The following MACROD2 variants were observed in gnomAD, a reference collection of about 807,000 sequenced individuals.
MACROD2 encodes mono-ADP ribosylhydrolase 2.
A neutral mutation model predicts 70.4 loss-of-function variants in MACROD2; 36 were observed. The observed-to-expected ratio is 0.51, with a 90% CI of 0.39 to 0.68. The LOEUF is 0.68. Among genes scored for constraint, MACROD2 ranks in the 30% least tolerant of loss-of-function variants. MACROD2 has a pLI of 0.00. For missense variants in MACROD2, 496 were observed against 538.4 expected (o/e 0.92, Z 0.78); for synonymous variants, 172 against 178.8 (o/e 0.96, Z 0.30).
At chr20:16,043,937 C>T (rs1357002180) in intron 16 of MACROD2, among the ~76,000 whole-genome samples, 1 of 152,096 alleles carries the variant, frequency 6.6e-6, no homozygotes, top group Non-Finnish European at 1.5e-5. Context: ...ACCCAAAAAT[C>T]TGGTCTGAAG....
intron 3 of MACROD2, among the ~76,000 whole-genome samples, chr20:14,412,261 CT>C (rs755293382): frequency 2.6e-4 from 40 of 152,294 alleles, no homozygotes; most frequent in Admixed American, 1.2e-3. Context: ...CCCGTCCCCC[CT>C]AGGCCCTTCT....
At chr20:14,341,157 A>G (rs6110251) in intron 3 of MACROD2, among the ~76,000 whole-genome samples, 26,177 of 152,188 alleles carry the variant, frequency 0.17, 2,659 homozygotes, top group East Asian at 0.31. Flanking sequence ...CATCATATAC[A>G]TATTTATTGA....
intron 5 of MACROD2, among the ~76,000 whole-genome samples, chr20:15,100,176 A>G (rs920805029): frequency 1.3e-5 from 2 of 152,024 alleles, no homozygotes; most frequent in African/African-American, 4.8e-5. Flanking sequence ...GATTCAAGCA[A>G]TCCTCCTGCC....
intron 3 of MACROD2, among the ~76,000 whole-genome samples, chr20:14,222,521 G>T (rs1197418958): frequency 6.6e-6 from 1 of 152,080 alleles, no homozygotes; most frequent in Non-Finnish European, 1.5e-5. Context: ...ATGACTGGGA[G>T]TTACTTAATG....
chr20:16,044,542 T>G, intron 16 of MACROD2, 29 bp from the exon 17 acceptor site: 2 of 1,592,908 alleles, frequency 1.3e-6, no homozygotes, highest in African/African-American at 1.3e-5. Flanking sequence ...TTAATGAATA[T>G]TTAACTTTTT....
chr20:14,219,619 C>T (rs1164035635), intron 3 of MACROD2, among the ~76,000 whole-genome samples: 1 of 152,112 alleles, frequency 6.6e-6, no homozygotes, highest in East Asian at 1.9e-4. Context: ...GTCATATTAC[C>T]AGGGTTGGTT....
chr20:15,194,293 G>C (rs1417115490), intron 5 of MACROD2, among the ~76,000 whole-genome samples: 4 of 144,752 alleles, frequency 2.8e-5, no homozygotes, highest in Non-Finnish European at 6.0e-5. Flanking sequence ...AATCAGTCAG[G>C]TAAAGCTAGA....
intron 16 of MACROD2, among the ~76,000 whole-genome samples, chr20:16,043,714 G>C (rs2067338427): frequency 6.6e-6 from 1 of 152,066 alleles, no homozygotes; most frequent in Non-Finnish European, 1.5e-5. Context: ...TGCCACTACA[G>C]CAGCCGTCGG....
intron 8 of MACROD2, among the ~76,000 whole-genome samples, chr20:15,853,657 C>A (rs2064324667): frequency 1.3e-5 from 2 of 152,150 alleles, no homozygotes; most frequent in Admixed American, 1.3e-4. Context: ...AGACCCCCAT[C>A]CTGCAACTGC....
intron 17 of MACROD2, 98 bp downstream of exon 17, chr20:16,044,737 C>G: frequency 9.5e-7 from 1 of 1,057,414 alleles, no homozygotes; most frequent in South Asian, 1.3e-5. Flanking sequence ...GCCAAGTCCC[C>G]ACAGCATGGC....
At chr20:14,338,736 C>T (rs1052725939) in intron 3 of MACROD2, among the ~76,000 whole-genome samples, 1 of 152,076 alleles carries the variant, frequency 6.6e-6, no homozygotes, top group African/African-American at 2.4e-5. Context: ...AATTTAGGTA[C>T]ATGAATAAAC....
chr20:15,936,456 A>G (rs555219090), intron 11 of MACROD2, among the ~76,000 whole-genome samples: 130 of 148,166 alleles, frequency 8.8e-4, no homozygotes, highest in African/African-American at 3.2e-3. Flanking sequence ...TATACTATAT[A>G]TACTCTATAA....
Position 15,239,797 on chromosome 20 carries a change from C to A in MACROD2, c.540+9736C>A, listed in dbSNP as rs763779149. On this transcript the variant is annotated intron_variant, in intron 6 of 17. Transcript: ENST00000684519. ...AGGTTAACACACTTAGACTAGGTGA[C>A]AAATGTGTGGAAGAACCTCATTTTC... Among the ~76,000 whole-genome samples, 6 of 152,186 alleles carry A rather than the reference C, an allele frequency of 3.9e-5. 1 individual carries two copies. The highest frequency in any genetic ancestry group is 9.7e-5 in the African/African-American group (4 of 41,436).
chr20:15,271,957 C>T (rs1386081528), intron 6 of MACROD2, among the ~76,000 whole-genome samples: 7 of 152,206 alleles, frequency 4.6e-5, no homozygotes, highest in Admixed American at 4.6e-4. Context: ...CTTCCCACTT[C>T]ACCCACTCCT....
At chr20:14,728,674 T>C (rs1300195870) in intron 5 of MACROD2, among the ~76,000 whole-genome samples, 3 of 152,206 alleles carry the variant, frequency 2.0e-5, no homozygotes, top group African/African-American at 4.8e-5. Context: ...TTGTAAAGTT[T>C]ATTTATTTAA....
chr20:15,705,020 T>G (rs6034270), intron 8 of MACROD2, among the ~76,000 whole-genome samples: 39,657 of 152,086 alleles, frequency 0.26, 6,360 homozygotes, highest in African/African-American at 0.46. Context: ...TTGATTACTC[T>G]GCTGCTAATT....
intron 8 of MACROD2, among the ~76,000 whole-genome samples, chr20:15,817,328 C>G (rs2063887584): frequency 6.6e-6 from 1 of 152,106 alleles, no homozygotes; most frequent in Non-Finnish European, 1.5e-5. Flanking sequence ...CCTACTATTC[C>G]TCTGATACAG....
intron 3 of MACROD2, among the ~76,000 whole-genome samples, chr20:14,461,985 T>A (rs367776179): frequency 6.6e-6 from 1 of 152,084 alleles, no homozygotes; most frequent in Non-Finnish European, 1.5e-5. Flanking sequence ...TGATTTATAA[T>A]CCTTTGGGTA....
At chr20:15,989,909 T>G (rs2066535657) in intron 15 of MACROD2, among the ~76,000 whole-genome samples, 2 of 151,952 alleles carry the variant, frequency 1.3e-5, no homozygotes, top group African/African-American at 4.8e-5. Context: ...GATTAGAAAA[T>G]GTAGATAATC....
Sources: allele counts gnomAD v4.1 joint callset (sites outside exome capture counted in the v4.1 genomes callset), GRCh38; gene constraint gnomAD v4.1.1; transcripts MANE v1.5; gene names NCBI Gene and HGNC (gene_info 2026-07-23, HGNC 2026-07-21).